SCN7A: variants seen among roughly 807,000 people sequenced by gnomAD.
The protein encoded by SCN7A is sodium channel protein type 7 subunit alpha.
SCN7A carries 138 observed loss-of-function variants against 155.2 expected under a neutral mutation model. The observed-to-expected ratio is 0.89, with a 90% CI of 0.77 to 1.02. The LOEUF is 1.02. Among genes scored for constraint, SCN7A ranks in the 50% least tolerant of loss-of-function variants. The pLI, the probability that SCN7A is intolerant of heterozygous loss-of-function variation, is 0.00. For missense variants in SCN7A, 2,058 were observed against 1,986.6 expected (o/e 1.04, Z -0.68); for synonymous variants, 693 against 649.0 (o/e 1.07, Z -1.03).
chr2:166,460,351 T>C (rs536302869), intron 10 of SCN7A, among the ~76,000 whole-genome samples: 2 of 152,358 alleles, frequency 1.3e-5, no homozygotes, highest in Admixed American at 6.5e-5. Context: ...TATTCACTTA[T>C]ATTTTTATTA....
chr2:166,471,706 T>C (rs1702659296), intron 6 of SCN7A, among the ~76,000 whole-genome samples: 1 of 133,582 alleles, frequency 7.5e-6, no homozygotes, highest in Non-Finnish European at 1.6e-5. Flanking sequence ...TAGAATTGTA[T>C]GAAGCATTCC....
intron 21 of SCN7A, among the ~76,000 whole-genome samples, chr2:166,413,532 A>T (rs2105369343): frequency 6.6e-6 from 1 of 152,180 alleles, no homozygotes; most frequent in South Asian, 2.1e-4. Context: ...CTAAAGAGAT[A>T]AAAAGTAGTG....
At chr2:166,462,655 C>G (rs751025266) in intron 9 of SCN7A, 125 bp from the exon 10 acceptor site, 1 of 774,080 alleles carries the variant, frequency 1.3e-6, no homozygotes, top group Non-Finnish European at 2.0e-6. Flanking sequence ...AGAGTAATGT[C>G]TGCTCCCAAA....
intron 15 of SCN7A, chr2:166,436,434 C>A: frequency 4.6e-6 from 2 of 432,956 alleles, no homozygotes; most frequent in Non-Finnish European, 4.6e-6. Flanking sequence ...CTGAGGCCTC[C>A]CAAGCCCTGT....
In SCN7A at chr2:166,429,035, G is replaced by A. The variant is rs563480871; in HGVS notation, c.2698+134C>T. On this transcript the variant is annotated intron_variant, in intron 17 of 25. Coordinates refer to ENST00000643258, the MANE Select transcript of SCN7A (RefSeq NM_002976.4). ...AAAACAAGTTGTAATGGTGACACTT[G>A]TACATTTAACATGAATATTAAGAAA... 130 of 566,416 alleles carry A rather than the reference G, an allele frequency of 2.3e-4. No individual in the cohort carries two copies. In the East Asian group the frequency reaches 3.5e-3, roughly 15 times the overall value. 35.1% of individuals were successfully genotyped at this position (566,416 alleles called of 1,614,324 possible).
rs527760638 is a variant in SCN7A at position 166,432,459 on chromosome 2, G to A, written c.2451C>T (p.Asn817=). ...GTGATTGGCTCTCATTTTCAGTAGCGTTTTTCTCTGTGCCACTGCTTTTTT... is the reference window on the plus strand; with the variant it reads ...GTGATTGGCTCTCATTTTCAGTAGCATTTTTCTCTGTGCCACTGCTTTTTT... The part of the protein sequence containing the change: ...DKEKSSGTEK[N]ATENESQSLI... Residue 817 remains asparagine (N), a synonymous_variant, in exon 16 of 26, where the codon AAC becomes AAT. Transcript: ENST00000643258. 8.1e-6 allele frequency: 13 copies of A among 1,613,602 alleles called. No individual in the cohort carries two copies. The African/African-American group carries it at 1.6e-4, about 20-fold the overall frequency.
At chr2:166,474,188 G>T in intron 4 of SCN7A, 38 bp downstream of exon 4, 2 of 949,392 alleles carry the variant, frequency 2.1e-6, no homozygotes, top group Non-Finnish European at 3.1e-6. Context: ...GTTAATGTCA[G>T]CACAGTTTAA....
chr2:166,423,148 T>G, intron 19 of SCN7A, 111 bp downstream of exon 19: 1 of 1,035,690 alleles, frequency 9.7e-7, no homozygotes, highest in South Asian at 1.6e-5. Context: ...GTACCAACAA[T>G]GTAGAGAGAG....
rs1443391022 is a variant in SCN7A, at chr2:166,414,002, T to TATATATATATATATATATATAA, written c.3415-882_3415-881insTTATATATATATATATATATAT. Reference sequence around the variant, plus strand: ...ATGTGTATATATATATATATATATATAAATATACTATATATATGTAAATAT... The same window carrying TATATATATATATATATATATAA: ...ATGTGTATATATATATATATATATATATATATATATATATATATATAAAAATATACTATATATATGTAAATAT... On this transcript the variant is annotated intron_variant, in intron 21 of 25. Coordinates refer to ENST00000643258, the MANE Select transcript of SCN7A (RefSeq NM_002976.4). Among the ~76,000 whole-genome samples the TATATATATATATATATATATAA allele has an allele frequency of 2.3e-4, 21 of 90,298 alleles. 1 individual carries two copies. The highest frequency in any genetic ancestry group is 9.1e-4 in the African/African-American group (20 of 22,086). 59.2% of individuals were successfully genotyped at this position (90,298 alleles called of 152,430 possible). A position where few individuals can be genotyped will look rare whatever the true frequency, so the allele number is the denominator to read the frequency against.
At chr2:166,462,168 CT>C in intron 10 of SCN7A, 1 of 401,204 alleles carries the variant, frequency 2.5e-6, no homozygotes, top group African/African-American at 2.0e-5. Context: ...CTCTCTCTCT[CT>C]GACCTTGTAG....
At chr2:166,472,238 T>C in intron 6 of SCN7A, 79 bp downstream of exon 6, 1 of 1,402,694 alleles carries the variant, frequency 7.1e-7, no homozygotes, top group South Asian at 1.5e-5. Context: ...CCAAAATCTT[T>C]GCAGACGTCA....
chr2:166,428,541 C>A (rs769454062), intron 17 of SCN7A, among the ~76,000 whole-genome samples: 1 of 151,720 alleles, frequency 6.6e-6, no homozygotes, highest in Non-Finnish European at 1.5e-5. Context: ...TGCGCTCTGG[C>A]CAAAAGGGTT....
chr2:166,428,048 T>C (rs1394890077), intron 17 of SCN7A, 106 bp from the exon 18 acceptor site: 3 of 1,127,610 alleles, frequency 2.7e-6, no homozygotes, highest in African/African-American at 1.6e-5. Flanking sequence ...TTACAAATTC[T>C]AATCCAGGTT....
chr2:166,440,560 A>T (rs964388213), intron 15 of SCN7A: 4 of 152,284 alleles, frequency 2.6e-5, no homozygotes, highest in Admixed American at 1.3e-4. Flanking sequence ...GGCCACATAG[A>T]AAGCACAGAA....
Position 166,474,100 on chromosome 2 carries a change from T to C in SCN7A, c.353+126A>G, listed in dbSNP as rs1177250215. On this transcript the variant is annotated intron_variant, in intron 4 of 25. Transcript: ENST00000643258. ...ACACTTAATGAAGTATAATCTAGAT[T>C]TCAATATGACCCAACATGAGATATA... 9.2e-6 allele frequency: 5 copies of C among 545,040 alleles called. No homozygotes were observed. The Admixed American group carries it at 1.1e-4, about 12-fold the overall frequency. The allele number at this position is 545,040 out of a possible 1,614,324, so 33.8% of individuals were successfully genotyped here.
chr2:166,477,714 C>A lies in SCN7A; in HGVS notation c.-14-4G>T. ...GCCAACATTTCCAATTTTGTACCTG[C>A]AAAAAATTCTGTATTAAAGTTGGGT... is the stretch of plus-strand genomic sequence containing the variant. On this transcript the variant is annotated splice_region_variant and splice_polypyrimidine_tract_variant and intron_variant, in intron 2 of 25. Coordinates refer to ENST00000643258, the MANE Select transcript of SCN7A (RefSeq NM_002976.4). 1 of 1,509,926 alleles carries A rather than the reference C, an allele frequency of 6.6e-7. No homozygotes were observed. The highest frequency in any genetic ancestry group is 8.8e-7 in the Non-Finnish European group (1 of 1,131,262). The allele number at this position is 1,509,926 out of a possible 1,614,324, so 93.5% of individuals were successfully genotyped here.
At chr2:166,488,019 G>A (rs1044646129) in intron 1 of SCN7A, among the ~76,000 whole-genome samples, 2 of 152,158 alleles carry the variant, frequency 1.3e-5, no homozygotes, top group Admixed American at 1.3e-4. Flanking sequence ...ATAAGACTAA[G>A]TTAACTTGGG....
chr2:166,454,660 T>C (rs934805700), intron 11 of SCN7A, among the ~76,000 whole-genome samples: 1 of 152,172 alleles, frequency 6.6e-6, no homozygotes, highest in Non-Finnish European at 1.5e-5. Context: ...TAGAGAGGGC[T>C]CCGGGTATGG....
intron 10 of SCN7A, chr2:166,461,829 C>T (rs1002093137): frequency 6.6e-6 from 1 of 152,436 alleles, no homozygotes; most frequent in African/African-American, 2.4e-5. Flanking sequence ...GTGGCTCACA[C>T]CTGTAATCCC....
Sources: allele counts gnomAD v4.1 joint callset (sites outside exome capture counted in the v4.1 genomes callset), GRCh38; gene constraint gnomAD v4.1.1; transcripts MANE v1.5; gene names NCBI Gene and HGNC (gene_info 2026-07-23, HGNC 2026-07-21).